PALS1: variants seen among roughly 807,000 people sequenced by gnomAD.
The protein encoded by PALS1 is protein associated with LIN7 1, MAGUK p55 family member, also known as protein PALS1.
A neutral mutation model predicts 78.9 loss-of-function variants in PALS1; 31 were observed. The ratio of observed to expected loss-of-function variants is 0.39; its 90% CI spans 0.30 to 0.53. The LOEUF (loss-of-function observed/expected upper bound fraction) is 0.53. Among genes scored for constraint, PALS1 ranks in the 20% least tolerant of loss-of-function variants. The pLI is 0.67. For synonymous variants in PALS1, 276 were observed against 270.9 expected (o/e 1.02, Z -0.18); for missense variants, 704 against 826.5 (o/e 0.85, Z 1.82).
At chr14:67,247,233 C>G (rs1237558284) in intron 1 of PALS1, among the ~76,000 whole-genome samples, 2 of 152,132 alleles carry the variant, frequency 1.3e-5, no homozygotes, top group Non-Finnish European at 2.9e-5. Flanking sequence ...GCAGATCTTG[C>G]AAATACTTTA....
intron 3 of PALS1, among the ~76,000 whole-genome samples, chr14:67,284,444 AC>A (rs2084648356): frequency 1.4e-5 from 2 of 146,706 alleles, no homozygotes; most frequent in African/African-American, 5.1e-5. Flanking sequence ...AAAAAAAAAA[AC>A]AGCTGGGCAT....
At chr14:67,264,903 A>G (rs2084296244) in intron 1 of PALS1, among the ~76,000 whole-genome samples, 1 of 152,180 alleles carries the variant, frequency 6.6e-6, no homozygotes, top group African/African-American at 2.4e-5. Flanking sequence ...ATACTGCCTT[A>G]TTGATATCCA....
At chr14:67,248,111 T>A (rs1258274075) in intron 1 of PALS1, among the ~76,000 whole-genome samples, 1 of 152,190 alleles carries the variant, frequency 6.6e-6, no homozygotes, top group East Asian at 1.9e-4. Context: ...GTTAATATGG[T>A]GAATTACACT....
chr14:67,296,585 C>CAAAAAAAAAA (rs374329692), intron 4 of PALS1, among the ~76,000 whole-genome samples: 4 of 51,022 alleles, frequency 7.8e-5, no homozygotes, highest in Non-Finnish European at 1.3e-4. Flanking sequence ...AACTCTGTCT[C>CAAAAAAAAAA]AAAAAAAAAA....
Position 67,296,437 on chromosome 14 carries a change from A to G in PALS1, c.576+3718A>G, listed in dbSNP as rs563199957. Among the ~76,000 whole-genome samples, 13 of 152,024 alleles carry G rather than the reference A, an allele frequency of 8.6e-5. No individual in the cohort carries two copies. In the East Asian group the frequency reaches 1.9e-3, roughly 23 times the overall value. On this transcript the variant is annotated intron_variant, in intron 4 of 14. Transcript: ENST00000261681. ...AACATGGTGAAATGCTGTCTCTACTAAAAATACAAAAAAATTAGGCGGGTG... is the reference window on the plus strand; with the variant it reads ...AACATGGTGAAATGCTGTCTCTACTGAAAATACAAAAAAATTAGGCGGGTG...
intron 2 of PALS1, among the ~76,000 whole-genome samples, chr14:67,277,005 A>G (rs2084516603): frequency 6.6e-6 from 1 of 152,216 alleles, no homozygotes; most frequent in African/African-American, 2.4e-5. Flanking sequence ...AGAGAGGGTT[A>G]AGAGTTTTAA....
intron 9 of PALS1, among the ~76,000 whole-genome samples, chr14:67,315,147 C>A (rs937563093): frequency 6.6e-6 from 1 of 151,720 alleles, no homozygotes; most frequent in Non-Finnish European, 1.5e-5. Flanking sequence ...TCAGAATAGC[C>A]TATAGTTCAT....
chr14:67,273,164 C>T (rs113395520), intron 2 of PALS1, among the ~76,000 whole-genome samples: 12 of 150,662 alleles, frequency 8.0e-5, no homozygotes, highest in African/African-American at 2.0e-4. Context: ...ATGTGCACAA[C>T]GTGCAGGTTT....
At chr14:67,301,338 A>C in intron 4 of PALS1, 51 bp from the exon 5 acceptor site, 1 of 1,233,074 alleles carries the variant, frequency 8.1e-7, no homozygotes. Flanking sequence ...TACAGGTGCT[A>C]CTGATACTTC....
intron 7 of PALS1, 57 bp from the exon 8 acceptor site, chr14:67,303,462 AATC>A (rs1487664956): frequency 7.5e-7 from 1 of 1,339,048 alleles, no homozygotes; most frequent in Admixed American, 1.7e-5. Context: ...TAGATCATAA[AATC>A]ATGGAATGAT....
rs932898375 is a variant in PALS1 at position 67,306,026 on chromosome 14, G to C, written c.1041+2427G>C. 2.0e-5 allele frequency among the ~76,000 whole-genome samples: 3 copies of C among 152,262 alleles called. No homozygotes were observed. The East Asian group carries it at 5.8e-4, about 29-fold the overall frequency. On this transcript the variant is annotated intron_variant, in intron 8 of 14. Coordinates refer to ENST00000261681, the MANE Select transcript of PALS1 (RefSeq NM_022474.4). ...CTCACTCTTGTCACCGAGGCAAGCAGTGGCACCATCTGGGCTCACTGCAAC... is the reference window on the plus strand; with the variant it reads ...CTCACTCTTGTCACCGAGGCAAGCACTGGCACCATCTGGGCTCACTGCAAC...
intron 8 of PALS1, among the ~76,000 whole-genome samples, chr14:67,308,821 C>T (rs574501425): frequency 7.2e-4 from 109 of 152,166 alleles, no homozygotes; most frequent in Non-Finnish European, 1.3e-3. Flanking sequence ...CTTACTATCC[C>T]AAATTACAAT....
At chr14:67,323,912 T>A (rs1267478700) in intron 14 of PALS1, 100 bp downstream of exon 14, 2 of 640,104 alleles carry the variant, frequency 3.1e-6, no homozygotes, top group Non-Finnish European at 5.4e-6. Context: ...AGCTTGAGCT[T>A]TCAAACTGAT....
In PALS1 at chr14:67,248,141, C is replaced by G. The variant is rs562072960; in HGVS notation, c.-237+6608C>G. Among the ~76,000 whole-genome samples, 49 of 151,962 alleles carry G rather than the reference C, an allele frequency of 3.2e-4. No homozygotes were observed. The South Asian group carries it at 1.0e-2, about 31-fold the overall frequency. On this transcript the variant is annotated intron_variant, in intron 1 of 14. Coordinates refer to ENST00000261681, the MANE Select transcript of PALS1 (RefSeq NM_022474.4). The stretch of plus-strand genomic sequence containing the variant: ...TACACTGATTTTTCAAATGTTGAAC[C>G]ATATTTGCATGTTTCTGGGACTAAC...
At chr14:67,285,195 G>T (rs2084666792) in intron 3 of PALS1, among the ~76,000 whole-genome samples, 1 of 152,114 alleles carries the variant, frequency 6.6e-6, no homozygotes, top group Non-Finnish European at 1.5e-5. Context: ...AAGTTGGTTG[G>T]ACTTGAAATT....
At chr14:67,248,244 G>A (rs117958286) in intron 1 of PALS1, among the ~76,000 whole-genome samples, 1,839 of 152,102 alleles carry the variant, frequency 0.012, 19 homozygotes, top group Non-Finnish European at 0.018. Context: ...TAAAAATGAA[G>A]GAGCAATGTC....
In PALS1 at chr14:67,279,113, A is replaced by C; in HGVS notation, c.-58A>C. Reference sequence around the variant, plus strand: ...GGATTTTATACTACAGAATCAAGAGAATTGGCTTATAGGAAAAATTGATTT... The same window carrying C: ...GGATTTTATACTACAGAATCAAGAGCATTGGCTTATAGGAAAAATTGATTT... On this transcript the variant is annotated 5_prime_UTR_variant, in exon 3 of 15. Coordinates refer to ENST00000261681, the MANE Select transcript of PALS1 (RefSeq NM_022474.4). 2.7e-6 allele frequency: 4 copies of C among 1,461,598 alleles called. No individual in the cohort carries two copies. The highest frequency in any genetic ancestry group is 3.6e-6 in the Non-Finnish European group (4 of 1,102,856). 90.5% of individuals were successfully genotyped at this position (1,461,598 alleles called of 1,614,324 possible).
chr14:67,329,654 G>C (rs1051781770), intron 14 of PALS1, among the ~76,000 whole-genome samples: 4 of 151,856 alleles, frequency 2.6e-5, no homozygotes, highest in Non-Finnish European at 5.9e-5. Context: ...TACGGCGGAC[G>C]CATCACTTGA....
intron 3 of PALS1, among the ~76,000 whole-genome samples, chr14:67,288,622 T>C (rs1471264391): frequency 6.6e-6 from 1 of 152,252 alleles, no homozygotes; most frequent in Non-Finnish European, 1.5e-5. Flanking sequence ...AATTTCTTTT[T>C]CTTATAAGAT....
Sources: gnomAD v4.1 joint callset for allele counts (sites outside exome capture counted in the v4.1 genomes callset) on GRCh38, gnomAD v4.1.1 for gene constraint, MANE v1.5 for transcripts, NCBI Gene and HGNC (gene_info 2026-07-23, HGNC 2026-07-21) for gene names.